The following STK32B variants were observed in gnomAD, a reference collection of about 807,000 sequenced individuals.
The protein encoded by STK32B is serine/threonine-protein kinase 32B.
Under a neutral mutation model 52.6 loss-of-function variants are expected in STK32B, and 43 were observed. That is an observed-to-expected ratio of 0.82 (90% CI 0.64 to 1.05). The LOEUF (loss-of-function observed/expected upper bound fraction) is 1.05, where lower values mean the gene tolerates loss of function less well. STK32B is among the 50% of genes least tolerant of loss of function. STK32B has a pLI of 0.00. For synonymous variants in STK32B, 238 were observed against 204.3 expected (o/e 1.17, Z -1.41); for missense variants, 621 against 534.6 (o/e 1.16, Z -1.59).
At chr4:5,047,732 G>A (rs901888438), upstream of STK32B, among the ~76,000 whole-genome samples, 19 of 152,270 alleles carry the variant, frequency 1.2e-4, no homozygotes, top group African/African-American at 3.8e-4. Flanking sequence ...GTGAGTCAAC[G>A]CATGACCTGG....
At chr4:5,093,448 C>CA (rs1247666505) in intron 1 of STK32B, among the ~76,000 whole-genome samples, 1 of 151,986 alleles carries the variant, frequency 6.6e-6, no homozygotes, top group Non-Finnish European at 1.5e-5. Context: ...CTACTCTCAG[C>CA]AACTATCGCA....
At chr4:5,177,732 A>G (rs950065445) in intron 3 of STK32B, among the ~76,000 whole-genome samples, 40 of 152,210 alleles carry the variant, frequency 2.6e-4, no homozygotes, top group African/African-American at 8.9e-4. Context: ...TGGCCAAAAC[A>G]GGGGGGCTAC....
Position 5,436,534 on chromosome 4 carries a change from A to G in STK32B, c.563-10139A>G, listed in dbSNP as rs1193182606. 3 of 949,606 alleles carry G rather than the reference A, an allele frequency of 3.2e-6. 1 individual carries two copies. In the Admixed American group the frequency reaches 1.9e-4, roughly 59 times the overall value. 58.8% of individuals were successfully genotyped at this position (949,606 alleles called of 1,614,324 possible). A position where few individuals can be genotyped will look rare whatever the true frequency, so the allele number is the denominator to read the frequency against. Reference sequence around the variant, plus strand: ...ACTGACTCTCTGGTCAGCAGTGAGAAGGACAGATTGGAGGTCTCTCTGGGT... The same window carrying G: ...ACTGACTCTCTGGTCAGCAGTGAGAGGGACAGATTGGAGGTCTCTCTGGGT... On this transcript the variant is annotated intron_variant, in intron 6 of 11. Coordinates refer to ENST00000282908, the MANE Select transcript of STK32B (RefSeq NM_018401.3).
At position 5,356,451 on chromosome 4, in the gene STK32B, C is replaced by T. The variant is rs538018797; in HGVS notation, c.434+25058C>T. On this transcript the variant is annotated intron_variant, in intron 4 of 11. Transcript: ENST00000282908. ...ACTGGGACATAGATTTGGGAAGACA[C>T]CATTCAGCCCACTACAATCATGTTC... is the stretch of plus-strand genomic sequence containing the variant. 3.3e-5 allele frequency among the ~76,000 whole-genome samples: 5 copies of T among 152,298 alleles called. No homozygotes were observed. In the South Asian group the frequency reaches 8.3e-4, roughly 25 times the overall value.
chr4:5,468,874 C>A (rs1235951986), intron 11 of STK32B, among the ~76,000 whole-genome samples: 1 of 152,016 alleles, frequency 6.6e-6, no homozygotes, highest in Non-Finnish European at 1.5e-5. Flanking sequence ...CACGGTGAAA[C>A]CCCGTCTCTT....
intron 3 of STK32B, among the ~76,000 whole-genome samples, chr4:5,276,680 C>T (rs555623606): frequency 1.8e-4 from 28 of 152,158 alleles, no homozygotes; most frequent in South Asian, 1.0e-3. Flanking sequence ...ACTGCTGCCA[C>T]GTGCATCTTT....
intron 3 of STK32B, among the ~76,000 whole-genome samples, chr4:5,322,165 C>A (rs904370833): frequency 2.0e-5 from 3 of 152,030 alleles, no homozygotes; most frequent in African/African-American, 7.2e-5. Context: ...AAGATTTTGT[C>A]TATGAAAAAT....
chr4:5,440,844 C>T (rs1714669220), intron 6 of STK32B, among the ~76,000 whole-genome samples: 1 of 151,888 alleles, frequency 6.6e-6, no homozygotes, highest in South Asian at 2.1e-4. Flanking sequence ...AAGGCCTTTT[C>T]TGCATCTATT....
At chr4:5,237,015 T>G (rs1724685640) in intron 3 of STK32B, among the ~76,000 whole-genome samples, 1 of 152,178 alleles carries the variant, frequency 6.6e-6, no homozygotes, top group Non-Finnish European at 1.5e-5. Flanking sequence ...GTCACTGATT[T>G]TGCTGCACAG....
intron 1 of STK32B, among the ~76,000 whole-genome samples, chr4:5,127,889 A>T (rs142611057): frequency 6.6e-6 from 1 of 151,398 alleles, no homozygotes; most frequent in Non-Finnish European, 1.5e-5. Context: ...AATAAGTCTC[A>T]CGAGATCTGA....
intron 2 of STK32B, among the ~76,000 whole-genome samples, chr4:5,153,483 T>C (rs1266769417): frequency 1.3e-5 from 2 of 150,740 alleles, no homozygotes; most frequent in Non-Finnish European, 2.9e-5. Flanking sequence ...TTTTTTTAAT[T>C]TGGTAAACTT....
intron 4 of STK32B, among the ~76,000 whole-genome samples, chr4:5,373,837 A>G (rs1162000868): frequency 6.6e-6 from 1 of 152,180 alleles, no homozygotes; most frequent in African/African-American, 2.4e-5. Flanking sequence ...TGCTTCCAAG[A>G]TGGTTTCAAC....
At chr4:5,247,489 G>A (rs1725541626) in intron 3 of STK32B, among the ~76,000 whole-genome samples, 1 of 152,154 alleles carries the variant, frequency 6.6e-6, no homozygotes, top group Non-Finnish European at 1.5e-5. Flanking sequence ...TCTTTGACTA[G>A]GAAAGGGAAT....
At chr4:5,288,527 G>A (rs1453008516) in intron 3 of STK32B, among the ~76,000 whole-genome samples, 4 of 151,956 alleles carry the variant, frequency 2.6e-5, no homozygotes, top group Non-Finnish European at 5.9e-5. Flanking sequence ...GGTTATTTTG[G>A]TATATTTTGA....
intron 2 of STK32B, among the ~76,000 whole-genome samples, chr4:5,150,932 A>C (rs1435964527): frequency 6.6e-6 from 1 of 152,206 alleles, no homozygotes; most frequent in Non-Finnish European, 1.5e-5. Context: ...CAAAGTTAGC[A>C]TCACAAAGAG....
At chr4:5,041,449 A>G in the STK32B span, among the ~76,000 whole-genome samples, 2 of 152,004 alleles carry the variant, frequency 1.3e-5, no homozygotes, top group African/African-American at 2.4e-5. Flanking sequence ...CTCCACAGAC[A>G]CTTAATTTGA....
intron 11 of STK32B, among the ~76,000 whole-genome samples, chr4:5,484,519 G>T (rs976062809): frequency 2.0e-5 from 3 of 151,970 alleles, no homozygotes; most frequent in Non-Finnish European, 1.5e-5. Context: ...TACAGCACAC[G>T]GATAGGTCTT....
At chr4:5,494,946 C>CTGTT (rs1720087939) in intron 11 of STK32B, among the ~76,000 whole-genome samples, 1 of 152,200 alleles carries the variant, frequency 6.6e-6, no homozygotes, top group African/African-American at 2.4e-5. Flanking sequence ...TAGCGATCAG[C>CTGTT]TGTTAGTCTG....
intron 4 of STK32B, among the ~76,000 whole-genome samples, chr4:5,365,165 C>T (rs564817791): frequency 3.9e-5 from 6 of 152,332 alleles, no homozygotes; most frequent in African/African-American, 1.4e-4. Flanking sequence ...GCATGAGCCA[C>T]AGCATCGGGC....
Sources: gnomAD v4.1 joint callset for allele counts (sites outside exome capture counted in the v4.1 genomes callset) on GRCh38, gnomAD v4.1.1 for gene constraint, MANE v1.5 for transcripts, NCBI Gene and HGNC (gene_info 2026-07-23, HGNC 2026-07-21) for gene names.